Variants in ARHGAP12 observed in about 807,000 individuals in gnomAD.
ARHGAP12 encodes rho GTPase-activating protein 12.
A neutral mutation model predicts 108.6 loss-of-function variants in ARHGAP12; 64 were observed. The observed-to-expected ratio is 0.59, with a 90% confidence interval of 0.48 to 0.73. The LOEUF is 0.73. Among genes scored for constraint, ARHGAP12 ranks in the 30% least tolerant of loss-of-function variants. ARHGAP12 has a pLI of 0.00. For synonymous variants in ARHGAP12, 312 were observed against 337.2 expected (o/e 0.93, Z 0.82); for missense variants, 940 against 1,005.9 (o/e 0.93, Z 0.89).
At position 31,908,486 on chromosome 10, in the gene ARHGAP12, G is replaced by C. The variant is rs376585372; in HGVS notation, c.370C>G (p.Gln124Glu). The change falls in exon 3 of 20, where the codon CAA becomes GAA. Residue 124 changes from glutamine (Q) to glutamate (E), a missense_variant. Transcript: ENST00000344936. ...SSFGKPSSSV[Q>E]GTGLIRDANQ... ...GCATCACGAATAAGACCTGTTCCTT[G>C]AACAGATGACGATGGCTTTCCGAAA... is the stretch of plus-strand genomic sequence containing the variant. The C allele has an allele frequency of 6.2e-7, 1 of 1,614,058 alleles. No homozygotes were observed. The highest frequency in any genetic ancestry group is 1.3e-5 in the African/African-American group (1 of 74,932).
intron 6 of ARHGAP12, among the ~76,000 whole-genome samples, chr10:31,846,899 ATTTTTT>A (rs377177944): frequency 5.6e-4 from 47 of 84,612 alleles, no homozygotes; most frequent in South Asian, 8.4e-4. Flanking sequence ...GGCACTGTTC[ATTTTTT>A]TTTTTTTTTT....
rs560222995 is a variant in ARHGAP12 at position 31,808,733 on chromosome 10, C to T, written c.2282G>A (p.Arg761Gln). 26 of 1,613,734 alleles carry T rather than the reference C, an allele frequency of 1.6e-5. No homozygotes were observed. The highest frequency in any genetic ancestry group is 1.6e-4 in the Middle Eastern group (1 of 6,062). The change falls in exon 19 of 20, where the codon CGA becomes CAA. Residue 761 changes from arginine (R) to glutamine (Q), a missense_variant. By Grantham distance (43) the Arg-to-Gln change is conservative (BLOSUM62 1). Transcript: ENST00000344936. ...VNAIKQEPRQ[R>Q]VAAVKDLIRQ... is the part of the protein sequence containing the mutation. ...GATTAGGTCCTTAACAGCAGCGACT[C>T]GCTGTCTTGGTTCTTGCTCTGAAAA...
intron 16 of ARHGAP12, 50 bp downstream of exon 16, chr10:31,810,596 CAAG>C (rs1834980012): frequency 6.3e-6 from 8 of 1,276,212 alleles, no homozygotes; most frequent in Non-Finnish European, 7.6e-6. Context: ...GATGGCAAAA[CAAG>C]AAGCTGGTTT....
rs555296673 is a variant in ARHGAP12 at position 31,867,849 on chromosome 10, G to GTC, written c.685-6192_685-6191insGA. Among the ~76,000 whole-genome samples, 365 of 151,848 alleles carry GTC rather than the reference G, an allele frequency of 2.4e-3. 3 individuals are homozygous for GTC. The highest frequency in any genetic ancestry group is 8.4e-3 in the African/African-American group (348 of 41,404). On this transcript the variant is annotated intron_variant, in intron 3 of 19. Coordinates refer to ENST00000344936, the MANE Select transcript of ARHGAP12 (RefSeq NM_018287.7). The stretch of plus-strand genomic sequence containing the variant: ...TGGTTAAGCAAATCATGACTCAACA[G>GTC]ATGAGGCAATACTAATACTAGCAGT...
At chr10:31,844,843 G>A (rs1042141260) in intron 6 of ARHGAP12, among the ~76,000 whole-genome samples, 2 of 151,690 alleles carry the variant, frequency 1.3e-5, no homozygotes, top group South Asian at 2.1e-4. Flanking sequence ...ACCCACCAAC[G>A]ACTCCCTATT....
At chr10:31,874,867 G>A (rs139924749) in intron 3 of ARHGAP12, among the ~76,000 whole-genome samples, 2 of 150,680 alleles carry the variant, frequency 1.3e-5, no homozygotes, top group Non-Finnish European at 3.0e-5. Context: ...TCAGCTACTC[G>A]GGAGGCTGAG....
At position 31,908,372 on chromosome 10, in the gene ARHGAP12, C is replaced by A; in HGVS notation, c.484G>T (p.Asp162Tyr). The A allele has an allele frequency of 6.2e-7, 1 of 1,614,126 alleles. No individual in the cohort carries two copies. The highest frequency in any genetic ancestry group is 1.1e-5 in the South Asian group (1 of 91,054). The stretch of plus-strand genomic sequence containing the variant: ...CTGGAAACTTTAGGAGAATGTGAGT[C>A]ATTGTTAAACTTTCCGTTATTATGG... The part of the protein sequence containing the change: ...LTHNNGKFNN[D>Y]SHSPKVSSQN... The change falls in exon 3 of 20, where the codon GAC becomes TAC. Residue 162 changes from aspartate (D) to tyrosine (Y), a missense_variant. Asp to Tyr is a radical substitution (Grantham distance 160). Coordinates refer to ENST00000344936, the MANE Select transcript of ARHGAP12 (RefSeq NM_018287.7).
intron 3 of ARHGAP12, among the ~76,000 whole-genome samples, chr10:31,898,218 CAAT>C (rs1195141633): frequency 6.6e-6 from 1 of 152,006 alleles, no homozygotes; most frequent in East Asian, 1.9e-4. Context: ...TCTTACAACT[CAAT>C]AATAAGGCAA....
At chr10:31,917,923 T>C (rs546706191) in intron 1 of ARHGAP12, among the ~76,000 whole-genome samples, 1 of 152,126 alleles carries the variant, frequency 6.6e-6, no homozygotes, top group South Asian at 2.1e-4. Flanking sequence ...TTTCCTGACT[T>C]TATGGTGGGT....
chr10:31,903,810 G>T (rs545112945), intron 3 of ARHGAP12, among the ~76,000 whole-genome samples: 1 of 150,762 alleles, frequency 6.6e-6, no homozygotes, highest in Non-Finnish European at 1.5e-5. Context: ...AAGACATGCA[G>T]AAACATTTCA....
Position 31,898,864 on chromosome 10 carries a change from CA to C in ARHGAP12, c.684+9307del, listed in dbSNP as rs546260408. Among the ~76,000 whole-genome samples the C allele has an allele frequency of 2.2e-4, 32 of 148,148 alleles. No individual in the cohort carries two copies. In the South Asian group the frequency reaches 6.0e-3, roughly 28 times the overall value. On this transcript the variant is annotated intron_variant, in intron 3 of 19. Coordinates refer to ENST00000344936, the MANE Select transcript of ARHGAP12 (RefSeq NM_018287.7). ...AATAAAATAGTGTAACAACAACAAACAAAAAAAAACACGTCCACAGATGTTT... is the reference window on the plus strand; with the variant it reads ...AATAAAATAGTGTAACAACAACAAACAAAAAAAACACGTCCACAGATGTTT...
At chr10:31,855,727 A>G (rs941408275) in intron 4 of ARHGAP12, among the ~76,000 whole-genome samples, 25 of 152,230 alleles carry the variant, frequency 1.6e-4, no homozygotes, top group African/African-American at 5.8e-4. Flanking sequence ...AAATTAATTT[A>G]AGAAACAAAA....
At chr10:31,903,811 A>G (rs1273536037) in intron 3 of ARHGAP12, among the ~76,000 whole-genome samples, 2 of 151,990 alleles carry the variant, frequency 1.3e-5, no homozygotes, top group Non-Finnish European at 2.9e-5. Context: ...AGACATGCAG[A>G]AACATTTCAA....
At chr10:31,811,640 C>G (rs996791514) in intron 15 of ARHGAP12, among the ~76,000 whole-genome samples, 3 of 149,784 alleles carry the variant, frequency 2.0e-5, no homozygotes, top group African/African-American at 7.4e-5. Context: ...ATCAGCTAGT[C>G]TCTTCCTAGA....
chr10:31,883,295 C>CA (rs111641334), intron 3 of ARHGAP12, among the ~76,000 whole-genome samples: 58 of 150,372 alleles, frequency 3.9e-4, no homozygotes, highest in African/African-American at 1.3e-3. Flanking sequence ...AACTCCATTT[C>CA]AAAAAAAAAG....
intron 9 of ARHGAP12, among the ~76,000 whole-genome samples, 180 bp from the exon 10 acceptor site, chr10:31,831,980 T>G (rs1003162390): frequency 6.6e-6 from 1 of 152,192 alleles, no homozygotes; most frequent in Admixed American, 6.5e-5. Flanking sequence ...AATACTTTTG[T>G]AGTTTTTTCT....
intron 5 of ARHGAP12, among the ~76,000 whole-genome samples, chr10:31,853,067 C>A (rs1836759196): frequency 6.6e-6 from 1 of 152,184 alleles, no homozygotes; most frequent in Non-Finnish European, 1.5e-5. Context: ...AAAAGCCTTG[C>A]ATTTTAAGTT....
chr10:31,921,316 A>C (rs1368395940), intron 1 of ARHGAP12, among the ~76,000 whole-genome samples: 1 of 152,198 alleles, frequency 6.6e-6, no homozygotes, highest in Non-Finnish European at 1.5e-5. Context: ...TGTGTACTGA[A>C]TGAAAATGAA....
At chr10:31,902,679 A>C (rs930787806) in intron 3 of ARHGAP12, among the ~76,000 whole-genome samples, 1 of 152,142 alleles carries the variant, frequency 6.6e-6, no homozygotes, top group African/African-American at 2.4e-5. Context: ...TCAAAAAAAA[A>C]AAAAAATTAC....
Sources: gnomAD v4.1 joint callset for allele counts (sites outside exome capture counted in the v4.1 genomes callset) on GRCh38, gnomAD v4.1.1 for gene constraint, MANE v1.5 for transcripts, NCBI Gene and HGNC (gene_info 2026-07-23, HGNC 2026-07-21) for gene names.